The following CLASP1 variants were observed in gnomAD, a reference collection of about 807,000 sequenced individuals.
CLASP1 encodes CLIP-associating protein 1.
CLASP1 carries 38 observed loss-of-function variants against 192.3 expected under a neutral mutation model. The ratio of observed to expected loss-of-function variants is 0.20; its 90% CI spans 0.15 to 0.26. The LOEUF (loss-of-function observed/expected upper bound fraction) is 0.26, where lower values mean the gene tolerates loss of function less well. Among genes scored for constraint, CLASP1 ranks in the 10% least tolerant of loss-of-function variants. CLASP1 has a pLI of 1.00. For missense variants in CLASP1, 1,433 were observed against 1,932.5 expected (o/e 0.74, Z 4.85); for synonymous variants, 691 against 712.8 (o/e 0.97, Z 0.49).
At chr2:121,485,097 G>A (rs1262885208) in intron 8 of CLASP1, among the ~76,000 whole-genome samples, 1 of 152,178 alleles carries the variant, frequency 6.6e-6, no homozygotes, top group Non-Finnish European at 1.5e-5. Context: ...GTTCAGAGAA[G>A]GCCAAATCAC....
intron 8 of CLASP1, among the ~76,000 whole-genome samples, chr2:121,485,273 A>C (rs1266192487): frequency 6.6e-6 from 1 of 152,334 alleles, no homozygotes; most frequent in South Asian, 2.1e-4. Flanking sequence ...CCTTTGACTA[A>C]GCAGCAGGGC....
intron 5 of CLASP1, 92 bp downstream of exon 5, chr2:121,527,707 T>G (rs754971446): frequency 1.6e-5 from 16 of 1,015,636 alleles, no homozygotes; most frequent in Non-Finnish European, 2.1e-5. Context: ...ACTACACTTC[T>G]TTGCAACTTC....
At position 121,460,130 on chromosome 2, in the gene CLASP1, T is replaced by A. The variant is rs771728891; in HGVS notation, c.1033-5A>T. The A allele has an allele frequency of 6.2e-7, 1 of 1,605,786 alleles. No homozygotes were observed. The highest frequency in any genetic ancestry group is 8.5e-7 in the Non-Finnish European group (1 of 1,176,608). On this transcript the variant is annotated splice_polypyrimidine_tract_variant and splice_region_variant and intron_variant, in intron 11 of 39. Coordinates refer to ENST00000263710, the Ensembl canonical transcript of CLASP1. ...TAAAGATCTAATCTTTTTTAGCTAA[T>A]GGAATAGAGAAAATTCAGAAAAATA...
At chr2:121,497,611 C>CT (rs2093584781) in intron 8 of CLASP1, among the ~76,000 whole-genome samples, 3 of 152,126 alleles carry the variant, frequency 2.0e-5, no homozygotes, top group Admixed American at 1.3e-4. Context: ...TAGAATTAAG[C>CT]TTTAAGAATT....
At chr2:121,602,300 G>A (rs1159120602) in intron 2 of CLASP1, among the ~76,000 whole-genome samples, 3 of 151,914 alleles carry the variant, frequency 2.0e-5, no homozygotes, top group Non-Finnish European at 4.4e-5. Context: ...ACAAAACACT[G>A]ATAAAAGAAA....
intron 14 of CLASP1, among the ~76,000 whole-genome samples, chr2:121,453,099 C>A (rs577081391): frequency 5.7e-4 from 87 of 152,236 alleles, no homozygotes; most frequent in Non-Finnish European, 8.8e-4. Flanking sequence ...CCAGCCTAGG[C>A]AACAAAGCAA....
intron 28 of CLASP1, 142 bp from the exon 30 acceptor site, chr2:121,398,542 A>T: frequency 6.6e-6 from 4 of 602,846 alleles, no homozygotes; most frequent in African/African-American, 1.9e-5. Flanking sequence ...TTTTCGTTTT[A>T]TGTAGAGTAA....
chr2:121,342,519 T>C (rs1388861749), intron 39 of CLASP1, among the ~76,000 whole-genome samples: 1 of 152,006 alleles, frequency 6.6e-6, no homozygotes, highest in Non-Finnish European at 1.5e-5. Flanking sequence ...ATGCTTACAT[T>C]AAAAAAGAAA....
intron 2 of CLASP1, among the ~76,000 whole-genome samples, chr2:121,536,936 T>C (rs1019589306): frequency 5.9e-5 from 9 of 152,258 alleles, no homozygotes; most frequent in Non-Finnish European, 7.3e-5. Flanking sequence ...TGGTGAATTT[T>C]ATGTTCTGTA....
chr2:121,425,289 A>G (rs1395536478), exon 22 of CLASP1: 1 of 1,612,126 alleles, frequency 6.2e-7, no homozygotes. Flanking sequence ...TTTCCTGGGG[A>G]ACTTGACCGG....
chr2:121,632,721 A>G (rs976973632), intron 1 of CLASP1, among the ~76,000 whole-genome samples: 3 of 152,104 alleles, frequency 2.0e-5, no homozygotes, highest in Admixed American at 1.3e-4. Context: ...GCATGCAGAA[A>G]CCTCGTCTCT....
intron 24 of CLASP1, chr2:121,409,158 A>G: frequency 3.5e-6 from 3 of 854,390 alleles, no homozygotes; most frequent in Non-Finnish European, 5.5e-6. Flanking sequence ...ATATCTTAGC[A>G]AACCAAAAAT....
intron 1 of CLASP1, among the ~76,000 whole-genome samples, chr2:121,607,397 G>A (rs369997858): frequency 1.3e-5 from 2 of 152,144 alleles, no homozygotes; most frequent in African/African-American, 2.4e-5. Flanking sequence ...AGTATTCTCC[G>A]CTGACAATAG....
chr2:121,460,743 GAAGA>G (rs2149874977), intron 11 of CLASP1, among the ~76,000 whole-genome samples: 1 of 152,148 alleles, frequency 6.6e-6, no homozygotes, highest in South Asian at 2.1e-4. Context: ...CAAGTGATAA[GAAGA>G]AAGAAAAGAA....
At chr2:121,429,970 G>A (rs1168773618) in intron 20 of CLASP1, 103 bp downstream of exon 20, 1 of 846,968 alleles carries the variant, frequency 1.2e-6, no homozygotes, top group African/African-American at 1.7e-5. Flanking sequence ...CAAAAAATGT[G>A]TTTTTCCCTC....
chr2:121,501,763 T>C (rs1212704015), intron 8 of CLASP1, among the ~76,000 whole-genome samples: 2 of 152,208 alleles, frequency 1.3e-5, no homozygotes, highest in African/African-American at 4.8e-5. Flanking sequence ...TCTGCCCTTA[T>C]GTATCAAGTT....
chr2:121,636,374 T>TAATAATAAA (rs1392087487), intron 1 of CLASP1, among the ~76,000 whole-genome samples: 33 of 142,398 alleles, frequency 2.3e-4, no homozygotes, highest in African/African-American at 8.3e-4. Flanking sequence ...ATAATAATAA[T>TAATAATAAA]AAATTTTAGG....
At chr2:121,536,866 T>A (rs1331447004) in intron 2 of CLASP1, among the ~76,000 whole-genome samples, 1 of 152,202 alleles carries the variant, frequency 6.6e-6, no homozygotes, top group Non-Finnish European at 1.5e-5. Flanking sequence ...GAGACGTTGG[T>A]GATGGTTGCA....
At chr2:121,355,537 G>A (rs1449411236) in intron 37 of CLASP1, among the ~76,000 whole-genome samples, 2 of 152,144 alleles carry the variant, frequency 1.3e-5, no homozygotes, top group African/African-American at 4.8e-5. Context: ...TTTTTCACTG[G>A]GGTTAGAGAA....
Sources: allele counts gnomAD v4.1 joint callset (sites outside exome capture counted in the v4.1 genomes callset), GRCh38; gene constraint gnomAD v4.1.1; transcripts MANE v1.5; gene names NCBI Gene and HGNC (gene_info 2026-07-23, HGNC 2026-07-21).